CELF2: variants seen among roughly 807,000 people sequenced by gnomAD.
The protein encoded by CELF2 is CUG triplet repeat RNA-binding protein 2.
In CELF2, 8 loss-of-function variants were observed where a neutral mutation model predicts 62.6. The observed-to-expected ratio is 0.13, with a 90% CI of 0.07 to 0.23. The LOEUF is 0.23. Among genes scored for constraint, CELF2 ranks in the 10% least tolerant of loss-of-function variants. CELF2 has a pLI of 1.00. For missense variants in CELF2, 333 were observed against 671.0 expected (o/e 0.50, Z 5.56); for synonymous variants, 258 against 250.0 (o/e 1.03, Z -0.30).
intron 2 of CELF2, among the ~76,000 whole-genome samples, chr10:11,208,511 C>A (rs1243276044): frequency 6.6e-6 from 1 of 152,212 alleles, no homozygotes; most frequent in East Asian, 1.9e-4. Flanking sequence ...CAGGGACACT[C>A]GGCAAGGCCT....
chr10:11,239,468 T>C (rs868060372), intron 3 of CELF2, among the ~76,000 whole-genome samples: 20 of 152,344 alleles, frequency 1.3e-4, no homozygotes, highest in African/African-American at 4.3e-4. Flanking sequence ...AGATGGGACC[T>C]TGTCTCCTTC....
rs1285081123 is a variant in CELF2, at chr10:11,211,228, A to G, written c.272-6197A>G. On this transcript the variant is annotated intron_variant, in intron 2 of 12. Transcript: ENST00000633077. The surrounding 1 kb of genome is among the most constrained non-coding windows in gnomAD (Gnocchi z 4.8). ...CAGGAGTTCGAAGTTAAAGTGAACT[A>G]TGATTGCACCACTGCACTCTAACCT... is the stretch of plus-strand genomic sequence containing the variant. 2.0e-5 allele frequency among the ~76,000 whole-genome samples: 3 copies of G among 152,246 alleles called. No individual in the cohort carries two copies. The highest frequency in any genetic ancestry group is 1.3e-4 in the Admixed American group (2 of 15,294).
chr10:11,243,184 G>A lies in CELF2; in HGVS notation c.355-5969G>A, dbSNP rs1416288860. Among the ~76,000 whole-genome samples the A allele has an allele frequency of 6.6e-6, 1 of 152,088 alleles. No individual in the cohort carries two copies. The highest frequency in any genetic ancestry group is 1.5e-5 in the Non-Finnish European group (1 of 68,008). ...CAGCAGCAACAGAGCTTCAGCAGAT[G>A]CCTTCTTGGGACCGCGCTTGACTCT... On this transcript the variant is annotated intron_variant, in intron 3 of 12. Transcript: ENST00000633077. This position sits in a 1 kb window ranked among gnomAD's most constrained non-coding sequence, Gnocchi z 4.1.
chr10:10,937,209 G>A (rs1381748419), intron 2 of CELF2, among the ~76,000 whole-genome samples: 1 of 145,012 alleles, frequency 6.9e-6, no homozygotes, highest in Non-Finnish European at 1.5e-5. Context: ...TCACCGGGAG[G>A]CAACCTCCGC....
Position 11,335,798 on chromosome 10 carries a change from T to C in CELF2, c.*6745T>C, listed in dbSNP as rs1237776878. On this transcript the variant is annotated 3_prime_UTR_variant, in exon 13 of 13. Transcript: ENST00000633077. The surrounding 1 kb of genome is among the most constrained non-coding windows in gnomAD (Gnocchi z 5.0). ...AGTGTTTATTTTTCAAATCTATAAG[T>C]ACATAGTTCCACCATTTTGGCACAA... is the stretch of plus-strand genomic sequence containing the variant. 2 of 152,146 alleles carry C rather than the reference T, an allele frequency of 1.3e-5. No homozygotes were observed. The highest frequency in any genetic ancestry group is 4.8e-5 in the African/African-American group (2 of 41,420). The allele number at this position is 152,146 out of a possible 1,614,324, so 9.4% of individuals were successfully genotyped here. A position where few individuals can be genotyped will look rare whatever the true frequency, so the allele number is the denominator to read the frequency against.
At chr10:10,771,826 C>T in the CELF2 span, among the ~76,000 whole-genome samples, 33 of 152,294 alleles carry the variant, frequency 2.2e-4, 1 homozygote, top group Admixed American at 1.4e-3. Context: ...TTCTCAGCAG[C>T]GTGAAAACGG....
rs1473255392 is a variant in CELF2 at position 11,325,826 on chromosome 10, T to C, written c.1295-10T>C. 4 of 1,592,602 alleles carry C rather than the reference T, an allele frequency of 2.5e-6. No homozygotes were observed. The highest frequency in any genetic ancestry group is 2.7e-5 in the African/African-American group (2 of 72,976). On this transcript the variant is annotated splice_polypyrimidine_tract_variant and intron_variant, in intron 11 of 12. Coordinates refer to ENST00000633077, the MANE Select transcript of CELF2 (RefSeq NM_001326342.2). ...GGATACCTTACTCTGACTTTTTTTTTCCTCCTTAGGTCCAGAGGGGGCAAA... is the reference window on the plus strand; with the variant it reads ...GGATACCTTACTCTGACTTTTTTTTCCCTCCTTAGGTCCAGAGGGGGCAAA...
intron 1 of CELF2, among the ~76,000 whole-genome samples, chr10:10,873,511 G>A (rs1370688260): frequency 6.6e-6 from 1 of 152,136 alleles, no homozygotes; most frequent in Non-Finnish European, 1.5e-5. Context: ...TCTGTCCAAG[G>A]TGTTTAGTAA....
Position 11,324,080 on chromosome 10 carries a change from G to T in CELF2, c.1295-1756G>T, listed in dbSNP as rs556187743. ...AAAAGGACAAAACCTACTTGTGTGC[G>T]TTTACTGGTCTCTCTGTTTCCTTGG... On this transcript the variant is annotated intron_variant, in intron 11 of 12. Transcript: ENST00000633077. This position sits in a 1 kb window ranked among gnomAD's most constrained non-coding sequence, Gnocchi z 4.7. Among the ~76,000 whole-genome samples the T allele has an allele frequency of 1.2e-4, 19 of 152,226 alleles. No individual in the cohort carries two copies. The highest frequency in any genetic ancestry group is 4.6e-4 in the African/African-American group (19 of 41,526).
chr10:10,562,174 A>G, the CELF2 span, among the ~76,000 whole-genome samples: 38 of 152,160 alleles, frequency 2.5e-4, no homozygotes, highest in Non-Finnish European at 1.0e-4. Context: ...TAGTCACTCT[A>G]AAATAGCACG....
At chr10:10,806,713 C>T (rs2055273188) in intron 1 of CELF2, among the ~76,000 whole-genome samples, 1 of 152,168 alleles carries the variant, frequency 6.6e-6, no homozygotes, top group Non-Finnish European at 1.5e-5. Context: ...TTTCAGTTCT[C>T]ATTGATGACA....
the CELF2 span, among the ~76,000 whole-genome samples, chr10:10,662,864 C>T: frequency 1.3e-5 from 2 of 152,164 alleles, no homozygotes; most frequent in Non-Finnish European, 2.9e-5. Flanking sequence ...ACATCAAATG[C>T]TTCCATGGCA....
At chr10:11,076,238 A>G (rs1273721699) in intron 1 of CELF2, among the ~76,000 whole-genome samples, 1 of 151,518 alleles carries the variant, frequency 6.6e-6, no homozygotes, top group Non-Finnish European at 1.5e-5. Context: ...CCTCCTCGAG[A>G]AAGATTATTG....
At chr10:11,143,128 C>T (rs2061657387) in intron 1 of CELF2, among the ~76,000 whole-genome samples, 1 of 152,016 alleles carries the variant, frequency 6.6e-6, no homozygotes, top group African/African-American at 2.4e-5. Context: ...TCTTCCTCTC[C>T]TCCTGTTGTC....
At chr10:10,651,016 A>T in the CELF2 span, among the ~76,000 whole-genome samples, 1 of 151,814 alleles carries the variant, frequency 6.6e-6, no homozygotes, top group Non-Finnish European at 1.5e-5. Flanking sequence ...GGGTGCGCGC[A>T]CCGTGCGCGA....
At chr10:10,560,623 A>T in the CELF2 span, among the ~76,000 whole-genome samples, 1 of 152,176 alleles carries the variant, frequency 6.6e-6, no homozygotes, top group Non-Finnish European at 1.5e-5. Context: ...TTCCTTAAAG[A>T]AATAAAAGTA....
At chr10:10,475,953 C>G in the CELF2 span, among the ~76,000 whole-genome samples, 1 of 151,940 alleles carries the variant, frequency 6.6e-6, no homozygotes, top group East Asian at 1.9e-4. Context: ...TGTATACCAT[C>G]ACTTCTGAGT....
chr10:10,827,478 AAG>A (rs1209741647), intron 1 of CELF2, among the ~76,000 whole-genome samples: 4 of 152,364 alleles, frequency 2.6e-5, no homozygotes, highest in Admixed American at 2.6e-4. Flanking sequence ...GTGAAGAAAA[AAG>A]AGTTTAAAGA....
chr10:10,506,302 A>ATCTGTG, the CELF2 span, among the ~76,000 whole-genome samples: 448 of 93,534 alleles, frequency 4.8e-3, 1 homozygote, highest in Admixed American at 8.2e-3. Context: ...GTGTGTGTGT[A>ATCTGTG]TCTGTGTCTG....
Sources: allele counts gnomAD v4.1 joint callset (sites outside exome capture counted in the v4.1 genomes callset), GRCh38; gene constraint gnomAD v4.1.1; non-coding constraint Gnocchi (gnomAD v3.1); transcripts MANE v1.5; gene names NCBI Gene and HGNC (gene_info 2026-07-23, HGNC 2026-07-21).